The following MARCHF1 variants were observed in gnomAD, a reference collection of about 807,000 sequenced individuals.
The protein encoded by MARCHF1 is membrane associated ring-CH-type finger 1, also known as E3 ubiquitin-protein ligase MARCHF1.
MARCHF1 carries 40 observed loss-of-function variants against 54.2 expected under a neutral mutation model. The observed-to-expected ratio is 0.74, with a 90% CI of 0.57 to 0.96. The LOEUF (loss-of-function observed/expected upper bound fraction) is 0.96. Among genes scored for constraint, MARCHF1 ranks in the 40% least tolerant of loss-of-function variants. The pLI, the probability that MARCHF1 is intolerant of heterozygous loss-of-function variation, is 0.00. For synonymous variants in MARCHF1, 236 were observed against 236.3 expected, an observed-to-expected ratio of 1.00 and a Z score of 0.01; for missense variants, 586 against 656.5, an observed-to-expected ratio of 0.89 and a Z score of 1.17.
At chr4:163,631,333 C>T (rs1446815082) in intron 5 of MARCHF1, among the ~76,000 whole-genome samples, 1 of 151,912 alleles carries the variant, frequency 6.6e-6, no homozygotes, top group Non-Finnish European at 1.5e-5. Context: ...GCTGGGATTA[C>T]AGGCGCCTGC....
intron 3 of MARCHF1, among the ~76,000 whole-genome samples, chr4:163,889,819 C>T (rs1420495775): frequency 6.6e-6 from 1 of 150,992 alleles, no homozygotes; most frequent in Non-Finnish European, 1.5e-5. Flanking sequence ...AGCAAATGTT[C>T]CCAAGTGATT....
chr4:164,183,266 C>T (rs2111020776), intron 1 of MARCHF1, among the ~76,000 whole-genome samples: 1 of 152,226 alleles, frequency 6.6e-6, no homozygotes, highest in African/African-American at 2.4e-5. Flanking sequence ...TTATTATTGC[C>T]AAATGAATGT....
At chr4:164,052,456 C>T (rs550672357) in intron 2 of MARCHF1, among the ~76,000 whole-genome samples, 6 of 151,974 alleles carry the variant, frequency 3.9e-5, no homozygotes, top group Non-Finnish European at 4.4e-5. Context: ...CACTTGAACC[C>T]GGGAGGTGGA....
intron 3 of MARCHF1, among the ~76,000 whole-genome samples, chr4:163,890,170 G>A (rs545847114): frequency 4.7e-5 from 7 of 150,438 alleles, no homozygotes; most frequent in Admixed American, 2.0e-4. Flanking sequence ...TCCTGACCTC[G>A]TGATCCACCC....
intron 1 of MARCHF1, among the ~76,000 whole-genome samples, chr4:164,238,486 T>C (rs1483907552): frequency 6.6e-6 from 1 of 152,118 alleles, no homozygotes; most frequent in Non-Finnish European, 1.5e-5. Flanking sequence ...GATAGCCTTA[T>C]ATTTTAATCA....
At chr4:164,044,429 A>G (rs1385146172) in intron 2 of MARCHF1, among the ~76,000 whole-genome samples, 2 of 152,080 alleles carry the variant, frequency 1.3e-5, no homozygotes, top group Non-Finnish European at 2.9e-5. Flanking sequence ...ACTTTTAAAC[A>G]ACCATATCTT....
At chr4:164,098,945 C>T (rs917740275) in intron 2 of MARCHF1, among the ~76,000 whole-genome samples, 7 of 152,154 alleles carry the variant, frequency 4.6e-5, no homozygotes, top group African/African-American at 1.4e-4. Context: ...AAAGAACATA[C>T]AATTTTTGTT....
chr4:163,890,174 T>C (rs1750630046), intron 3 of MARCHF1, among the ~76,000 whole-genome samples: 1 of 151,748 alleles, frequency 6.6e-6, no homozygotes, highest in African/African-American at 2.4e-5. Flanking sequence ...GACCTCGTGA[T>C]CCACCCGCCT....
chr4:163,632,306 G>T (rs968610072), intron 5 of MARCHF1, among the ~76,000 whole-genome samples: 6 of 152,186 alleles, frequency 3.9e-5, no homozygotes, highest in Non-Finnish European at 8.8e-5. Flanking sequence ...GCAGAAGACG[G>T]GTGATTTCTG....
intron 3 of MARCHF1, among the ~76,000 whole-genome samples, chr4:163,967,228 G>A (rs781715974): frequency 1.3e-5 from 2 of 152,122 alleles, no homozygotes; most frequent in Non-Finnish European, 2.9e-5. Context: ...AAGCAGAGGA[G>A]TGATATTGTC....
intron 4 of MARCHF1, among the ~76,000 whole-genome samples, chr4:163,793,617 G>C (rs561710188): frequency 6.6e-6 from 1 of 152,254 alleles, no homozygotes; most frequent in African/African-American, 2.4e-5. Context: ...AAAACTAAGA[G>C]GCAGAAATGA....
intron 2 of MARCHF1, among the ~76,000 whole-genome samples, chr4:163,989,188 G>A (rs1420652072): frequency 1.3e-5 from 2 of 152,066 alleles, no homozygotes; most frequent in Admixed American, 6.6e-5. Context: ...TGAGAAGCGC[G>A]GCTAGCTGGC....
chr4:164,199,833 C>G (rs1430114799), intron 1 of MARCHF1, among the ~76,000 whole-genome samples: 2 of 152,158 alleles, frequency 1.3e-5, no homozygotes. Context: ...AATATCTTAT[C>G]ATGACATATA....
chr4:163,525,845 G>A lies in MARCHF1; in HGVS notation c.*2903C>T, dbSNP rs535354839. On this transcript the variant is annotated 3_prime_UTR_variant, in exon 10 of 10. Coordinates refer to ENST00000514618, the MANE Select transcript of MARCHF1 (RefSeq NM_001394959.1). ...AAAAGCACTGCCACAAAGCTAAATC[G>A]TTTTATTGTTTGAAAGGGCAAATGT... is the stretch of plus-strand genomic sequence containing the variant. 4 of 152,084 alleles carry A rather than the reference G, an allele frequency of 2.6e-5. No homozygotes were observed. The highest frequency in any genetic ancestry group is 3.9e-4 in the East Asian group (2 of 5,176). The allele number at this position is 152,084 out of a possible 1,614,324, so 9.4% of individuals were successfully genotyped here. A position where few individuals can be genotyped will look rare whatever the true frequency, so the allele number is the denominator to read the frequency against.
chr4:164,326,177 GCAGC>G (rs1735276290), intron 1 of MARCHF1, among the ~76,000 whole-genome samples: 1 of 152,066 alleles, frequency 6.6e-6, no homozygotes, highest in Non-Finnish European at 1.5e-5. Flanking sequence ...TACTAGAATT[GCAGC>G]TCTCCACTGA....
intron 1 of MARCHF1, among the ~76,000 whole-genome samples, chr4:164,177,006 A>ATG (rs1730706352): frequency 2.2e-5 from 2 of 92,154 alleles, no homozygotes; most frequent in Non-Finnish European, 3.9e-5. Context: ...ATATATATAT[A>ATG]TATACAAATG....
intron 1 of MARCHF1, among the ~76,000 whole-genome samples, chr4:164,126,237 C>T (rs1174885031): frequency 6.6e-6 from 1 of 152,156 alleles, no homozygotes; most frequent in African/African-American, 2.4e-5. Flanking sequence ...GCAGAGCCCT[C>T]ATGAATGAGA....
At chr4:164,229,358 G>A (rs186934245) in intron 1 of MARCHF1, among the ~76,000 whole-genome samples, 151 of 152,266 alleles carry the variant, frequency 9.9e-4, no homozygotes, top group Middle Eastern at 3.4e-3. Flanking sequence ...AAAGTTAACT[G>A]CCCTCTCATA....
chr4:164,241,454 T>C (rs1279849515), intron 1 of MARCHF1, among the ~76,000 whole-genome samples: 2 of 152,228 alleles, frequency 1.3e-5, no homozygotes, highest in East Asian at 1.9e-4. Context: ...AATATTTTCA[T>C]CTTTTTTGAC....
Sources: allele counts gnomAD v4.1 joint callset (sites outside exome capture counted in the v4.1 genomes callset), GRCh38; gene constraint gnomAD v4.1.1; transcripts MANE v1.5; gene names NCBI Gene and HGNC (gene_info 2026-07-23, HGNC 2026-07-21).